Variants in AKR1C4 observed in about 807,000 individuals in gnomAD.
AKR1C4 encodes 3-alpha-HSD1.
AKR1C4 carries 44 observed loss-of-function variants against 41.0 expected under a neutral mutation model. The observed-to-expected ratio is 1.07, with a 90% CI of 0.84 to 1.38. The LOEUF (loss-of-function observed/expected upper bound fraction) is 1.38, where lower values mean the gene tolerates loss of function less well. AKR1C4 is among the 40% of genes most tolerant of loss of function. The pLI, the probability that AKR1C4 is intolerant of heterozygous loss-of-function variation, is 0.00. For synonymous variants in AKR1C4, 165 were observed against 137.7 expected, an observed-to-expected ratio of 1.20 and a Z score of -1.39; for missense variants, 438 against 387.9, an observed-to-expected ratio of 1.13 and a Z score of -1.09.
At chr10:5,212,944 C>T in intron 6 of AKR1C4, 50 bp from the exon 7 acceptor site, 3 of 1,597,956 alleles carry the variant, frequency 1.9e-6, no homozygotes, top group Non-Finnish European at 2.6e-6. Context: ...GAGCCTCCTA[C>T]CAAACTGAAT....
chr10:5,215,670 A>C (rs547103523), intron 7 of AKR1C4, among the ~76,000 whole-genome samples: 7 of 152,356 alleles, frequency 4.6e-5, no homozygotes, highest in African/African-American at 1.7e-4. Flanking sequence ...GACACGATGC[A>C]GTCAAGTTCT....
chr10:5,218,669 T>A (rs369655004), intron 8 of AKR1C4, 49 bp from the exon 9 acceptor site: 287 of 1,478,644 alleles, frequency 1.9e-4, no homozygotes, highest in Non-Finnish European at 2.6e-4. Flanking sequence ...ACCAGCTTTT[T>A]AATAGAGTCA....
intron 8 of AKR1C4, 90 bp downstream of exon 8, chr10:5,216,883 C>A: frequency 1.2e-6 from 1 of 842,944 alleles, no homozygotes; most frequent in Non-Finnish European, 1.9e-6. Context: ...ACCAGGGAGA[C>A]AGAGGCCAGT....
At chr10:5,201,437 C>A (rs568760869) in intron 2 of AKR1C4, among the ~76,000 whole-genome samples, 1 of 152,116 alleles carries the variant, frequency 6.6e-6, no homozygotes, top group South Asian at 2.1e-4. Context: ...TATTTGCCCA[C>A]TTTTCAACAG....
chr10:5,210,873 G>C (rs782555607), intron 5 of AKR1C4, among the ~76,000 whole-genome samples: 2 of 152,168 alleles, frequency 1.3e-5, no homozygotes, highest in Non-Finnish European at 2.9e-5. Context: ...GCCTCCCAAA[G>C]TGCTGGGATT....
intron 2 of AKR1C4, 42 bp downstream of exon 2, chr10:5,200,390 G>A: frequency 6.4e-7 from 1 of 1,571,590 alleles, no homozygotes; most frequent in Middle Eastern, 1.7e-4. Context: ...TGTGTTTAAT[G>A]GGATTGTGTG....
intron 8 of AKR1C4, among the ~76,000 whole-genome samples, chr10:5,217,931 T>C (rs1364047896): frequency 1.3e-5 from 2 of 152,210 alleles, no homozygotes; most frequent in African/African-American, 4.8e-5. Context: ...GTGGAGATGT[T>C]AACAAGTAAT....
intron 2 of AKR1C4, 152 bp downstream of exon 2, chr10:5,200,500 G>T: frequency 7.5e-7 from 1 of 1,332,786 alleles, no homozygotes; most frequent in East Asian, 2.6e-5. Flanking sequence ...TAAAATAAAA[G>T]GCAGAGAATG....
At chr10:5,209,500 GA>G (rs1178350166) in intron 5 of AKR1C4, among the ~76,000 whole-genome samples, 27 of 151,668 alleles carry the variant, frequency 1.8e-4, no homozygotes, top group South Asian at 6.3e-4. Flanking sequence ...TCATTTCCTA[GA>G]AAAAAAATTA....
At chr10:5,198,393 A>G (rs1554796545) in intron 1 of AKR1C4, among the ~76,000 whole-genome samples, 1 of 152,132 alleles carries the variant, frequency 6.6e-6, no homozygotes, top group African/African-American at 2.4e-5. Flanking sequence ...CCTAACTGAT[A>G]AGGGTAGCAT....
intron 1 of AKR1C4, among the ~76,000 whole-genome samples, chr10:5,199,919 G>A (rs1832371057): frequency 6.6e-6 from 1 of 152,170 alleles, no homozygotes; most frequent in Admixed American, 6.5e-5. Context: ...AAAACTTAAA[G>A]AACAAAACTA....
chr10:5,197,273 T>C (rs892848254), intron 1 of AKR1C4, among the ~76,000 whole-genome samples: 12 of 152,232 alleles, frequency 7.9e-5, no homozygotes, highest in African/African-American at 2.7e-4. Context: ...TTCTAGGAGA[T>C]GACTGCAGTG....
chr10:5,206,503 A>C, intron 5 of AKR1C4, 106 bp downstream of exon 5: 1 of 1,561,240 alleles, frequency 6.4e-7, no homozygotes, highest in South Asian at 1.2e-5. Context: ...GAAACAGAAG[A>C]TTCTAGAAAG....
rs1307590885 is a variant in AKR1C4 at position 5,218,610 on chromosome 10, ACTT to A, written c.930-104_930-102del. On this transcript the variant is annotated intron_variant, in intron 8 of 8. Transcript: ENST00000263126. The stretch of plus-strand genomic sequence containing the variant: ...CATTCTACAAATAGTCCGAAAATAA[ACTT>A]CTTAACATTCACACTAATGGCAGCT... The A allele has an allele frequency of 3.7e-5, 29 of 786,700 alleles. No homozygotes were observed. The Middle Eastern group carries it at 7.0e-4, about 19-fold the overall frequency. The allele number at this position is 786,700 out of a possible 1,614,324, so 48.7% of individuals were successfully genotyped here.
chr10:5,214,031 A>G (rs575835322), intron 7 of AKR1C4, among the ~76,000 whole-genome samples: 79 of 151,982 alleles, frequency 5.2e-4, no homozygotes, highest in Non-Finnish European at 9.9e-4. Context: ...ATTATATAGT[A>G]AAATATTATG....
At chr10:5,207,910 A>G (rs1588340043) in intron 5 of AKR1C4, among the ~76,000 whole-genome samples, 1 of 152,190 alleles carries the variant, frequency 6.6e-6, no homozygotes, top group East Asian at 1.9e-4. Flanking sequence ...TTTGTGGAAG[A>G]TGAGTAAATG....
intron 7 of AKR1C4, among the ~76,000 whole-genome samples, chr10:5,214,364 G>C (rs1461492702): frequency 1.8e-5 from 1 of 56,500 alleles, no homozygotes; most frequent in African/African-American, 4.4e-5. Flanking sequence ...GTATTTTTCT[G>C]ACTTAGTCTC....
intron 2 of AKR1C4, among the ~76,000 whole-genome samples, chr10:5,201,920 G>C (rs1832405105): frequency 6.6e-6 from 1 of 152,040 alleles, no homozygotes. Flanking sequence ...ATTAGTATTT[G>C]CCCTAATTTC....
At chr10:5,203,634 C>T (rs1421394609) in intron 2 of AKR1C4, among the ~76,000 whole-genome samples, 1 of 152,170 alleles carries the variant, frequency 6.6e-6, no homozygotes, top group African/African-American at 2.4e-5. Flanking sequence ...TTCAAAGGGT[C>T]TGTGAATTTT....
Sources: allele counts gnomAD v4.1 joint callset (sites outside exome capture counted in the v4.1 genomes callset), GRCh38; gene constraint gnomAD v4.1.1; transcripts MANE v1.5; gene names NCBI Gene and HGNC (gene_info 2026-07-23, HGNC 2026-07-21).